SIK2: variants seen among roughly 807,000 people sequenced by gnomAD.
SIK2 encodes the protein salt inducible kinase 2, also known as serine/threonine-protein kinase SIK2.
Under a neutral mutation model 103.2 loss-of-function variants are expected in SIK2, and 29 were observed. That is an observed-to-expected ratio of 0.28 (90% confidence interval 0.21 to 0.38). The LOEUF (loss-of-function observed/expected upper bound fraction) is 0.38. Among genes scored for constraint, SIK2 ranks in the 10% least tolerant of loss-of-function variants. SIK2 has a pLI of 1.00. For missense variants in SIK2, 879 were observed against 1,171.0 expected (o/e 0.75, Z 3.64); for synonymous variants, 412 against 446.1 (o/e 0.92, Z 0.96).
chr11:111,660,449 T>A (rs1942452705), intron 3 of SIK2, among the ~76,000 whole-genome samples: 1 of 152,198 alleles, frequency 6.6e-6, no homozygotes, highest in Non-Finnish European at 1.5e-5. Context: ...GTAGTATATA[T>A]TACATACTTA....
chr11:111,662,560 G>A (rs1942480869), intron 3 of SIK2, among the ~76,000 whole-genome samples: 1 of 152,108 alleles, frequency 6.6e-6, no homozygotes. Flanking sequence ...ACCAGCCTGG[G>A]CAATGTGGCA....
chr11:111,724,503 G>GT lies in SIK2; in HGVS notation c.*375dup. The GT allele has an allele frequency of 4.4e-6, 1 of 228,070 alleles. No homozygotes were observed. Among genetic ancestry groups the GT allele is most frequent in the East Asian group, 1.0e-4 (1 of 9,842 alleles). 14.1% of individuals were successfully genotyped at this position (228,070 alleles called of 1,614,324 possible). On this transcript the variant is annotated 3_prime_UTR_variant, in exon 15 of 15. Coordinates refer to ENST00000304987, the MANE Select transcript of SIK2 (RefSeq NM_015191.3). ...ACCTTGGTGAAAGCAGAAAGGGTGT[G>GT]TGCTATTGCATATATATGGGGGAAA...
At chr11:111,620,804 A>T (rs1487159412) in intron 3 of SIK2, among the ~76,000 whole-genome samples, 1 of 152,188 alleles carries the variant, frequency 6.6e-6, no homozygotes, top group African/African-American at 2.4e-5. Context: ...AAATAGCACA[A>T]TCTCTGTTAT....
intron 1 of SIK2, among the ~76,000 whole-genome samples, chr11:111,607,347 T>C (rs1230973000): frequency 6.6e-6 from 1 of 152,236 alleles, no homozygotes; most frequent in Non-Finnish European, 1.5e-5. Context: ...ATGTAAGATT[T>C]TTAAAAGGTT....
intron 3 of SIK2, among the ~76,000 whole-genome samples, chr11:111,659,081 G>A (rs1565337280): frequency 6.6e-6 from 1 of 152,012 alleles, no homozygotes; most frequent in South Asian, 2.1e-4. Flanking sequence ...TCTTTTAATG[G>A]CCAGTTTGTG....
intron 3 of SIK2, among the ~76,000 whole-genome samples, chr11:111,630,530 T>C (rs559172321): frequency 1.3e-5 from 2 of 152,050 alleles, no homozygotes; most frequent in Non-Finnish European, 2.9e-5. Context: ...AATAGAAGTA[T>C]AGATTTGAGG....
intron 9 of SIK2, among the ~76,000 whole-genome samples, chr11:111,714,169 G>C (rs1270954097): frequency 6.6e-6 from 1 of 152,156 alleles, no homozygotes; most frequent in Non-Finnish European, 1.5e-5. Flanking sequence ...GACTGAAAAA[G>C]CAAGTACTAG....
chr11:111,622,256 T>C lies in SIK2; in HGVS notation c.316+1854T>C, dbSNP rs1171856399. ...TGAAGGATTTTCTTTTCTTTTTTTT[T>C]TTTTTTTTTTTTTTTTTGAGGCAGA... On this transcript the variant is annotated intron_variant, in intron 3 of 14. Coordinates refer to ENST00000304987, the MANE Select transcript of SIK2 (RefSeq NM_015191.3). Among the ~76,000 whole-genome samples the C allele has an allele frequency of 8.7e-5, 11 of 126,596 alleles. No individual in the cohort carries two copies. In the East Asian group the frequency reaches 9.0e-4, roughly 10 times the overall value. 83.1% of individuals were successfully genotyped at this position (126,596 alleles called of 152,430 possible). A position where few individuals can be genotyped will look rare whatever the true frequency, so the allele number is the denominator to read the frequency against.
At chr11:111,627,915 T>C (rs1941982301) in intron 3 of SIK2, among the ~76,000 whole-genome samples, 1 of 152,234 alleles carries the variant, frequency 6.6e-6, no homozygotes, top group African/African-American at 2.4e-5. Flanking sequence ...ACACTTCATG[T>C]CTTAATTAGC....
intron 1 of SIK2, among the ~76,000 whole-genome samples, chr11:111,612,943 T>TATATATATATAC: frequency 8.1e-6 from 1 of 124,154 alleles, no homozygotes; most frequent in Non-Finnish European, 1.8e-5. Flanking sequence ...TATATATATA[T>TATATATATATAC]ATATTTATGA....
intron 1 of SIK2, among the ~76,000 whole-genome samples, chr11:111,607,165 A>G (rs1941659894): frequency 6.6e-6 from 1 of 152,212 alleles, no homozygotes. Context: ...GGTTCTAAAA[A>G]TGACCTTATT....
intron 3 of SIK2, among the ~76,000 whole-genome samples, chr11:111,630,166 C>A (rs2135848108): frequency 6.6e-6 from 1 of 152,162 alleles, no homozygotes; most frequent in African/African-American, 2.4e-5. Flanking sequence ...TTTATGCATG[C>A]AACAACATGC....
At chr11:111,702,697 T>C (rs1034916881) in intron 6 of SIK2, among the ~76,000 whole-genome samples, 1 of 152,158 alleles carries the variant, frequency 6.6e-6, no homozygotes, top group African/African-American at 2.4e-5. Flanking sequence ...ATGCTAGTGC[T>C]CAAAGTTGCA....
intron 3 of SIK2, among the ~76,000 whole-genome samples, chr11:111,647,804 C>T (rs182657925): frequency 1.0e-3 from 151 of 150,340 alleles, no homozygotes; most frequent in African/African-American, 3.3e-3. Flanking sequence ...GGAGGCGGAG[C>T]TTGCAGTGAG....
intron 4 of SIK2, among the ~76,000 whole-genome samples, chr11:111,690,961 G>T (rs1942930547): frequency 1.3e-5 from 2 of 152,168 alleles, no homozygotes; most frequent in South Asian, 4.1e-4. Flanking sequence ...GCAGAGAAAG[G>T]TTATAGGTGT....
intron 4 of SIK2, among the ~76,000 whole-genome samples, chr11:111,699,291 C>T (rs138073387): frequency 6.6e-6 from 1 of 152,298 alleles, no homozygotes; most frequent in East Asian, 1.9e-4. Flanking sequence ...CTTTTCTCTC[C>T]TAAACCTTGA....
chr11:111,603,536 C>T (rs1477247876), intron 1 of SIK2, among the ~76,000 whole-genome samples: 1 of 152,004 alleles, frequency 6.6e-6, no homozygotes, highest in East Asian at 1.9e-4. Context: ...AATCCTGCAC[C>T]CTCTTCATTG....
In SIK2 at chr11:111,722,259, T is replaced by A. The variant is rs1415326968; in HGVS notation, c.2055+319T>A. Reference sequence around the variant, plus strand: ...TAACAAATAAAATGAAAACCTTAAGTCTGCAGAATTTCTACATGGGCTTTC... The same window carrying A: ...TAACAAATAAAATGAAAACCTTAAGACTGCAGAATTTCTACATGGGCTTTC... On this transcript the variant is annotated intron_variant, in intron 13 of 14. Transcript: ENST00000304987. This position sits in a 1 kb window ranked among gnomAD's most constrained non-coding sequence, Gnocchi z 4.4. Among the ~76,000 whole-genome samples, 1 of 152,220 alleles carries A rather than the reference T, an allele frequency of 6.6e-6. No individual in the cohort carries two copies. The highest frequency in any genetic ancestry group is 1.5e-5 in the Non-Finnish European group (1 of 68,040).
In SIK2 at chr11:111,602,464, G is replaced by C; in HGVS notation, c.-100G>C. Reference sequence around the variant, plus strand: ...AGCGGGAGGGAAGGAGCGAAGGAGCGAAGGAGCAAGCGGAGCGGCCGTCGC... The same window carrying C: ...AGCGGGAGGGAAGGAGCGAAGGAGCCAAGGAGCAAGCGGAGCGGCCGTCGC... On this transcript the variant is annotated 5_prime_UTR_variant, in exon 1 of 15. Transcript: ENST00000304987. This position sits in a 1 kb window ranked among gnomAD's most constrained non-coding sequence, Gnocchi z 4.5. 1 of 1,294,866 alleles carries C rather than the reference G, an allele frequency of 7.7e-7. No individual in the cohort carries two copies. The highest frequency in any genetic ancestry group is 1.7e-5 in the South Asian group (1 of 57,348). The allele number at this position is 1,294,866 out of a possible 1,614,324, so 80.2% of individuals were successfully genotyped here. A position where few individuals can be genotyped will look rare whatever the true frequency, so the allele number is the denominator to read the frequency against.
Sources: allele counts gnomAD v4.1 joint callset (sites outside exome capture counted in the v4.1 genomes callset), GRCh38; gene constraint gnomAD v4.1.1; non-coding constraint Gnocchi (gnomAD v3.1); transcripts MANE v1.5; gene names NCBI Gene and HGNC (gene_info 2026-07-23, HGNC 2026-07-21).